The following MAGI2 variants were observed in gnomAD, a reference collection of about 807,000 sequenced individuals.
The protein encoded by MAGI2 is membrane-associated guanylate kinase, WW and PDZ domain-containing protein 2.
In MAGI2, 35 loss-of-function variants were observed where a neutral mutation model predicts 133.3. The ratio of observed to expected loss-of-function variants is 0.26; its 90% CI spans 0.20 to 0.35. MAGI2 has a LOEUF of 0.35. MAGI2 is among the 10% of genes least tolerant of loss of function. MAGI2 has a pLI of 1.00. For synonymous variants in MAGI2, 729 were observed against 710.6 expected (o/e 1.03, Z -0.41); for missense variants, 1,636 against 1,863.4 (o/e 0.88, Z 2.25).
chr7:79,036,255 C>T (rs924032752), intron 1 of MAGI2, among the ~76,000 whole-genome samples: 7 of 152,148 alleles, frequency 4.6e-5, no homozygotes, highest in African/African-American at 9.7e-5. Context: ...CAAGTATCTT[C>T]GTCTCTTATT....
At chr7:78,336,257 G>A (rs1328271473) in intron 9 of MAGI2, among the ~76,000 whole-genome samples, 3 of 152,120 alleles carry the variant, frequency 2.0e-5, no homozygotes, top group Non-Finnish European at 2.9e-5. Flanking sequence ...CTAGAAACCT[G>A]GAATCAGTAG....
intron 1 of MAGI2, among the ~76,000 whole-genome samples, chr7:79,236,682 C>A (rs1033649297): frequency 1.3e-5 from 2 of 152,178 alleles, no homozygotes; most frequent in Admixed American, 1.3e-4. Context: ...ATTCTGTGAT[C>A]TCTTGTCTTT....
At chr7:79,124,998 C>T in intron 1 of MAGI2, 1 of 250,410 alleles carries the variant, frequency 4.0e-6, no homozygotes, top group Non-Finnish European at 7.9e-6. Context: ...GCAAAGAGGG[C>T]CAACTCAAGA....
At chr7:78,029,857 A>G (rs1809380028) in intron 21 of MAGI2, among the ~76,000 whole-genome samples, 1 of 152,238 alleles carries the variant, frequency 6.6e-6, no homozygotes, top group South Asian at 2.1e-4. Context: ...GAAGGGAGAT[A>G]AAGCACAGGG....
chr7:78,521,521 C>T lies in MAGI2; in HGVS notation c.663G>A (p.Val221=). ...AEGKRKRNKS[V]SNMEKASIEP... ...CTATACTGGCTTTCTCCATGTTGCT[C>T]ACTGATTTATTCCTCTTCCGTTTTC... The change falls in exon 4 of 22, where the codon GTG becomes GTA. Residue 221 remains valine, a synonymous_variant. Transcript: ENST00000354212. The T allele has an allele frequency of 1.2e-6, 2 of 1,614,122 alleles. No individual in the cohort carries two copies. The highest frequency in any genetic ancestry group is 8.5e-7 in the Non-Finnish European group (1 of 1,180,016).
intron 2 of MAGI2, among the ~76,000 whole-genome samples, chr7:78,725,350 T>G (rs1820667760): frequency 6.6e-6 from 1 of 152,252 alleles, no homozygotes; most frequent in Non-Finnish European, 1.5e-5. Flanking sequence ...GATCTTCACT[T>G]TTGAACAAAT....
chr7:78,993,763 C>G (rs1350678647), intron 2 of MAGI2, among the ~76,000 whole-genome samples: 1 of 151,872 alleles, frequency 6.6e-6, no homozygotes, highest in Non-Finnish European at 1.5e-5. Context: ...GTTTTATTAC[C>G]TGGGCTGAAT....
At chr7:79,220,600 T>G (rs550951313) in intron 1 of MAGI2, among the ~76,000 whole-genome samples, 1 of 152,006 alleles carries the variant, frequency 6.6e-6, no homozygotes, top group Admixed American at 6.5e-5. Flanking sequence ...GGCAAAGATA[T>G]GAACTGGAGG....
rs537298032 is a variant in MAGI2, at chr7:79,309,433, T to G, written c.301+143587A>C. 2.0e-3 allele frequency among the ~76,000 whole-genome samples: 298 copies of G among 150,660 alleles called. 1 individual carries two copies. The highest frequency in any genetic ancestry group is 6.6e-3 in the African/African-American group (274 of 41,222). ...TATAGATATGATTTAGAGTTGTGCT[T>G]TTACGTTAAAATATGTAGAGTTATT... On this transcript the variant is annotated intron_variant, in intron 1 of 21. Coordinates refer to ENST00000354212, the MANE Select transcript of MAGI2 (RefSeq NM_012301.4).
At chr7:78,808,956 C>T (rs1374554759) in intron 2 of MAGI2, among the ~76,000 whole-genome samples, 1 of 152,220 alleles carries the variant, frequency 6.6e-6, no homozygotes, top group Non-Finnish European at 1.5e-5. Context: ...GGAACACAGT[C>T]ACTGCCTACA....
intron 1 of MAGI2, among the ~76,000 whole-genome samples, chr7:79,243,247 A>T (rs115709172): frequency 0.011 from 1,698 of 152,336 alleles, 37 homozygotes; most frequent in African/African-American, 0.039. Flanking sequence ...TAGACGTATG[A>T]TCTACACATA....
chr7:78,916,212 G>A (rs753596818), intron 2 of MAGI2, among the ~76,000 whole-genome samples: 1 of 151,522 alleles, frequency 6.6e-6, no homozygotes, highest in Non-Finnish European at 1.5e-5. Flanking sequence ...CAATATCTTG[G>A]GGTTTTTTTA....
At chr7:78,662,776 G>C (rs1813115360) in intron 2 of MAGI2, among the ~76,000 whole-genome samples, 4 of 152,188 alleles carry the variant, frequency 2.6e-5, no homozygotes, top group South Asian at 4.1e-4. Flanking sequence ...AATTAGAATG[G>C]TTGTGTGTAT....
At chr7:78,931,674 A>G (rs770974413) in intron 2 of MAGI2, among the ~76,000 whole-genome samples, 1 of 152,158 alleles carries the variant, frequency 6.6e-6, no homozygotes, top group African/African-American at 2.4e-5. Context: ...ATTCTCAACT[A>G]TGTTAGTAGC....
chr7:78,682,149 T>C (rs1187316239), intron 2 of MAGI2, among the ~76,000 whole-genome samples: 1 of 152,136 alleles, frequency 6.6e-6, no homozygotes. Flanking sequence ...AAATATTTTG[T>C]TTCAGGAAAT....
Position 79,007,164 on chromosome 7 carries a change from C to G in MAGI2, c.344G>C (p.Arg115Pro). Residue 115 changes from arginine to proline, a missense_variant, in exon 2 of 22, where the codon CGA becomes CCA. Arg to Pro is a moderately radical substitution (Grantham distance 103). This residue lies in a region of MAGI2 where 148 missense variants were observed against 239.0 expected (regional missense o/e 0.62). Coordinates refer to ENST00000354212, the MANE Select transcript of MAGI2 (RefSeq NM_012301.4). ...ATGGTCCACAGAACCCTTTTGAAAT[C>G]GTAAGTTGAGGTAGTGACGAAGGTC... is the stretch of plus-strand genomic sequence containing the variant. The part of the protein sequence containing the change: ...DKDLRHYLNL[R>P]FQKGSVDHEL... 1.2e-6 allele frequency: 2 copies of G among 1,613,068 alleles called. No individual in the cohort carries two copies. Among genetic ancestry groups the G allele is most frequent in the Non-Finnish European group, 1.7e-6 (2 of 1,179,572 alleles).
At chr7:79,410,429 G>A (rs1055411766) in intron 1 of MAGI2, 10 of 152,090 alleles carry the variant, frequency 6.6e-5, no homozygotes, top group African/African-American at 1.9e-4. Context: ...GTACATTGTG[G>A]ATGCTTAATC....
intron 1 of MAGI2, among the ~76,000 whole-genome samples, chr7:79,280,410 C>T (rs970136680): frequency 4.6e-5 from 7 of 151,468 alleles, no homozygotes; most frequent in African/African-American, 1.7e-4. Context: ...TATCCAAGTC[C>T]AATGGAATCT....
intron 2 of MAGI2, among the ~76,000 whole-genome samples, chr7:78,890,291 C>A (rs1270866898): frequency 6.6e-6 from 1 of 151,846 alleles, no homozygotes; most frequent in Non-Finnish European, 1.5e-5. Context: ...GACTTTAACA[C>A]CCCACTGTCA....
Sources: gnomAD v4.1 joint callset for allele counts (sites outside exome capture counted in the v4.1 genomes callset) on GRCh38, gnomAD v4.1.1 for gene constraint, gnomAD v4.1.1 regional missense constraint, MANE v1.5 for transcripts, NCBI Gene and HGNC (gene_info 2026-07-23, HGNC 2026-07-21) for gene names.